Variants in TBC1D22A observed in about 807,000 individuals in gnomAD.
TBC1D22A encodes the protein putative GTPase activator.
A neutral mutation model predicts 60.2 loss-of-function variants in TBC1D22A; 38 were observed. The ratio of observed to expected loss-of-function variants is 0.63; its 90% confidence interval spans 0.49 to 0.83. The LOEUF is 0.83. Ranked by LOEUF, TBC1D22A falls within the 40% of genes least tolerant of loss-of-function variation. The pLI is 0.00. For synonymous variants in TBC1D22A, 302 were observed against 281.7 expected, an observed-to-expected ratio of 1.07 and a Z score of -0.72; for missense variants, 628 against 701.0, an observed-to-expected ratio of 0.90 and a Z score of 1.18.
intron 4 of TBC1D22A, among the ~76,000 whole-genome samples, chr22:46,867,070 A>G (rs2067089672): frequency 6.6e-6 from 1 of 152,230 alleles, no homozygotes; most frequent in African/African-American, 2.4e-5. Flanking sequence ...GAAATTCTCA[A>G]CAATAATAAT....
intron 10 of TBC1D22A, among the ~76,000 whole-genome samples, chr22:47,016,909 C>A (rs552937175): frequency 1.7e-4 from 25 of 151,084 alleles, no homozygotes; most frequent in African/African-American, 5.4e-4. Flanking sequence ...TGGGGCCCGG[C>A]GAGCCTCCCA....
intron 11 of TBC1D22A, among the ~76,000 whole-genome samples, chr22:47,061,394 C>T (rs762146838): frequency 5.9e-5 from 9 of 152,024 alleles, no homozygotes; most frequent in Non-Finnish European, 1.2e-4. Flanking sequence ...TGGTCGTGGT[C>T]CCTGCTTGGT....
At chr22:46,773,964 A>C (rs1288439986) in intron 1 of TBC1D22A, 2 of 985,482 alleles carry the variant, frequency 2.0e-6, no homozygotes, top group Non-Finnish European at 2.4e-6. Context: ...CCTCATCCTT[A>C]TCTCCTCCAT....
intron 11 of TBC1D22A, among the ~76,000 whole-genome samples, chr22:47,062,972 G>A (rs1037816950): frequency 6.6e-6 from 1 of 152,164 alleles, no homozygotes; most frequent in Admixed American, 6.5e-5. Flanking sequence ...GTGAGAAACA[G>A]CAGCGAGCGC....
At chr22:46,983,959 G>A (rs546465695) in intron 9 of TBC1D22A, among the ~76,000 whole-genome samples, 2 of 152,114 alleles carry the variant, frequency 1.3e-5, no homozygotes, top group South Asian at 2.1e-4. Flanking sequence ...TTGGCTTCGG[G>A]GCCTGAAGAT....
At chr22:47,079,055 T>C (rs1018073739) in intron 11 of TBC1D22A, among the ~76,000 whole-genome samples, 1 of 151,400 alleles carries the variant, frequency 6.6e-6, no homozygotes, top group Admixed American at 6.6e-5. Context: ...TTGTTGTCAT[T>C]GAGTGGGTAA....
intron 4 of TBC1D22A, among the ~76,000 whole-genome samples, chr22:46,841,847 C>A (rs2147223208): frequency 6.6e-6 from 1 of 152,344 alleles, no homozygotes; most frequent in African/African-American, 2.4e-5. Context: ...TCTTACCACA[C>A]ACGCACACAA....
At chr22:46,815,121 C>T (rs2085539043) in intron 4 of TBC1D22A, among the ~76,000 whole-genome samples, 1 of 152,026 alleles carries the variant, frequency 6.6e-6, no homozygotes, top group Admixed American at 6.5e-5. Context: ...AAGTTGTTTC[C>T]AGTTTTGTTT....
At chr22:46,940,267 C>T (rs995202715) in intron 8 of TBC1D22A, among the ~76,000 whole-genome samples, 1 of 152,120 alleles carries the variant, frequency 6.6e-6, no homozygotes, top group African/African-American at 2.4e-5. Flanking sequence ...TCACTACAGA[C>T]CTTCAGTTTG....
intron 11 of TBC1D22A, among the ~76,000 whole-genome samples, chr22:47,043,238 C>T (rs2062909167): frequency 6.6e-6 from 1 of 152,220 alleles, no homozygotes; most frequent in Admixed American, 6.5e-5. Context: ...GAATTGAGAT[C>T]TGTGCTGCAT....
intron 4 of TBC1D22A, among the ~76,000 whole-genome samples, chr22:46,813,854 C>T (rs886181289): frequency 1.3e-5 from 2 of 152,232 alleles, no homozygotes; most frequent in African/African-American, 4.8e-5. Context: ...TCCATGAAGG[C>T]AGGGGCACCT....
chr22:46,807,712 C>A (rs1288719614), intron 4 of TBC1D22A, among the ~76,000 whole-genome samples: 5 of 152,202 alleles, frequency 3.3e-5, no homozygotes, highest in African/African-American at 1.2e-4. Context: ...AGGTCAGATG[C>A]CAGCCAGTAG....
chr22:46,996,183 G>C (rs2075116379), intron 9 of TBC1D22A, among the ~76,000 whole-genome samples: 1 of 152,234 alleles, frequency 6.6e-6, no homozygotes, highest in Non-Finnish European at 1.5e-5. Context: ...CCCACTTGGT[G>C]AGCTGCAGTT....
At chr22:46,907,458 T>G (rs2069570378) in intron 7 of TBC1D22A, among the ~76,000 whole-genome samples, 1 of 152,122 alleles carries the variant, frequency 6.6e-6, no homozygotes, top group Non-Finnish European at 1.5e-5. Flanking sequence ...CAGGCACCCA[T>G]GGCATTCATT....
intron 8 of TBC1D22A, among the ~76,000 whole-genome samples, chr22:46,941,594 C>G (rs575063513): frequency 6.9e-6 from 1 of 144,174 alleles, no homozygotes; most frequent in Non-Finnish European, 1.5e-5. Flanking sequence ...AATATATATA[C>G]GGAATATATA....
chr22:46,878,324 A>AGGGG (rs2067666829), intron 4 of TBC1D22A, among the ~76,000 whole-genome samples: 7 of 10,522 alleles, frequency 6.7e-4, no homozygotes, highest in Admixed American at 1.1e-3. Context: ...GGTGGGAGGG[A>AGGGG]GAGAGAGAAG....
At chr22:47,083,798 C>T (rs1480788608) in intron 11 of TBC1D22A, among the ~76,000 whole-genome samples, 2 of 152,198 alleles carry the variant, frequency 1.3e-5, no homozygotes, top group East Asian at 3.8e-4. Flanking sequence ...CTCAACATTA[C>T]TCATCAAGGG....
intron 11 of TBC1D22A, among the ~76,000 whole-genome samples, chr22:47,047,783 C>T (rs1328066633): frequency 6.6e-6 from 1 of 152,236 alleles, no homozygotes. Flanking sequence ...GTCGGGTGCC[C>T]TGGCAAGGCC....
At chr22:47,150,955 G>A (rs1474472328) in intron 12 of TBC1D22A, among the ~76,000 whole-genome samples, 1 of 152,178 alleles carries the variant, frequency 6.6e-6, no homozygotes, top group Admixed American at 6.5e-5. Flanking sequence ...CAGCACAGAG[G>A]CCTTGTGCTT....
Sources: gnomAD v4.1 joint callset for allele counts (sites outside exome capture counted in the v4.1 genomes callset) on GRCh38, gnomAD v4.1.1 for gene constraint, MANE v1.5 for transcripts, NCBI Gene and HGNC (gene_info 2026-07-23, HGNC 2026-07-21) for gene names.